Variants in ISY1 observed in about 807,000 individuals in gnomAD.
ISY1 encodes the protein ISY1 spliceosome associated protein.
A neutral mutation model predicts 54.4 loss-of-function variants in ISY1; 12 were observed. The ratio of observed to expected loss-of-function variants is 0.22; its 90% CI spans 0.14 to 0.36. The LOEUF (loss-of-function observed/expected upper bound fraction) is 0.36, where lower values mean the gene tolerates loss of function less well. ISY1 is among the 10% of genes least tolerant of loss of function. ISY1 has a pLI of 1.00. For synonymous variants in ISY1, 96 were observed against 117.9 expected (o/e 0.81, Z 1.20); for missense variants, 282 against 342.2 (o/e 0.82, Z 1.39).
intron 9 of ISY1, among the ~76,000 whole-genome samples, 178 bp downstream of exon 9, chr3:129,133,896 T>C (rs1253167342): frequency 6.6e-6 from 1 of 152,212 alleles, no homozygotes; most frequent in Non-Finnish European, 1.5e-5. Context: ...GGCACTCTCA[T>C]GGCTGCTGCC....
At chr3:129,152,470 C>A (rs989562161) in intron 5 of ISY1, among the ~76,000 whole-genome samples, 1 of 151,746 alleles carries the variant, frequency 6.6e-6, no homozygotes. Flanking sequence ...GTGGTGCAAT[C>A]TCGGCTCACT....
intron 1 of ISY1, 51 bp from the exon 2 acceptor site, chr3:129,159,227 TTTCTTGCCCTTTACTTTTTAGTGAA>T: frequency 6.3e-7 from 1 of 1,581,758 alleles, no homozygotes; most frequent in Non-Finnish European, 8.5e-7. Flanking sequence ...AATATATTTT[TTTCTTGCCCTTTACTTTTTAGTGAA>T]AAGTTTTACA....
intron 3 of ISY1, among the ~76,000 whole-genome samples, chr3:129,157,270 G>A (rs532550820): frequency 4.0e-5 from 6 of 151,744 alleles, no homozygotes; most frequent in Admixed American, 2.6e-4. Flanking sequence ...ATACATGTGC[G>A]TATATAAAAT....
chr3:129,157,316 C>G (rs1576894353), intron 3 of ISY1, among the ~76,000 whole-genome samples: 1 of 152,028 alleles, frequency 6.6e-6, no homozygotes, highest in Admixed American at 6.6e-5. Context: ...TATATTATCT[C>G]TAATTTGGGT....
chr3:129,155,201 TTTTGTTTGTTTG>T (rs200072498), intron 5 of ISY1, among the ~76,000 whole-genome samples: 1 of 151,500 alleles, frequency 6.6e-6, no homozygotes, highest in African/African-American at 2.4e-5. Flanking sequence ...TATATGTATT[TTTTGTTTGTTTG>T]TTTGTTTGTT....
intron 5 of ISY1, among the ~76,000 whole-genome samples, chr3:129,151,051 G>C (rs1283789019): frequency 6.6e-6 from 1 of 151,296 alleles, no homozygotes; most frequent in Non-Finnish European, 1.5e-5. Flanking sequence ...GAACCTGGGA[G>C]GCAGAGGTTG....
chr3:129,139,624 AC>A (rs1379267260), intron 7 of ISY1, among the ~76,000 whole-genome samples: 3 of 15,080 alleles, frequency 2.0e-4, no homozygotes, highest in African/African-American at 3.5e-4. Flanking sequence ...TTGGATTCAC[AC>A]AAAAGTAGCT....
chr3:129,139,856 G>T (rs1271920542), intron 7 of ISY1, among the ~76,000 whole-genome samples: 1 of 152,014 alleles, frequency 6.6e-6, no homozygotes. Context: ...TGGTCAAGCT[G>T]GTCTCTAACT....
rs185149981 is a variant in ISY1 at position 129,128,827 on chromosome 3, A to G, written c.*1254T>C. 6 of 152,630 alleles carry G rather than the reference A, an allele frequency of 3.9e-5. No individual in the cohort carries two copies. The East Asian group carries it at 9.6e-4, about 25-fold the overall frequency. 9.5% of individuals were successfully genotyped at this position (152,630 alleles called of 1,614,324 possible). A position where few individuals can be genotyped will look rare whatever the true frequency, so the allele number is the denominator to read the frequency against. ...TCCCATGACCCTGCAGAGGGCAGGA[A>G]GCCAGGCACCATCTTGCCCAGGGGC... On this transcript the variant is annotated 3_prime_UTR_variant, in exon 11 of 11. Transcript: ENST00000393295.
At chr3:129,135,300 C>A (rs921505011) in intron 7 of ISY1, among the ~76,000 whole-genome samples, 1 of 151,948 alleles carries the variant, frequency 6.6e-6, no homozygotes, top group Non-Finnish European at 1.5e-5. Flanking sequence ...GCCGAGATCA[C>A]GCCACTGCAC....
chr3:129,140,480 A>C lies in ISY1; in HGVS notation c.306T>G (p.Val102=). 6.2e-7 allele frequency: 1 copy of C among 1,603,200 alleles called. No individual in the cohort carries two copies. The highest frequency in any genetic ancestry group is 8.5e-7 in the Non-Finnish European group (1 of 1,177,482). The change falls in exon 7 of 11, where the codon GTT becomes GTG. Residue 102 remains valine (V), a synonymous_variant. Coordinates refer to ENST00000393295, the MANE Select transcript of ISY1 (RefSeq NM_020701.4). The part of the protein sequence containing the change: ...KELGGPDYGK[V]GPKMLDHEGK... ...CTTCATGATCCAGCATTTTAGGGCC[A>C]ACTTTCTTATTGGGAAGAAAAAAAG...
intron 5 of ISY1, among the ~76,000 whole-genome samples, chr3:129,150,466 C>T (rs868619122): frequency 5.3e-5 from 8 of 152,298 alleles, no homozygotes; most frequent in Middle Eastern, 3.4e-3. Context: ...AATCCCAGCA[C>T]TTTGGGAGGC....
At chr3:129,160,907 G>C (rs1425664626) in intron 1 of ISY1, 66 bp downstream of exon 1, 5 of 1,104,466 alleles carry the variant, frequency 4.5e-6, no homozygotes, top group Non-Finnish European at 6.7e-6. Flanking sequence ...AGCGCCCCAG[G>C]TGGACTGGGC....
Position 129,134,091 on chromosome 3 carries a change from C to G in ISY1, c.646G>C (p.Ala216Pro). The change falls in exon 9 of 11, where the codon GCA becomes CCA. Residue 216 changes from alanine (A) to proline (P), a missense_variant. Ala to Pro is a conservative substitution (Grantham distance 27). Around this residue, in one of 2 missense-constraint regions of ISY1, gnomAD observed 279 missense variants for 323.6 expected, o/e 0.86. Transcript: ENST00000393295. ...EEEEEEINIY[A>P]VTEEESDEEG... is the part of the protein sequence containing the mutation. ...CCCAATACCTCCTCCTCGGTGACTG[C>G]ATAGATGTTGATCTCTTCCTCCTCT... 1 of 1,614,198 alleles carries G rather than the reference C, an allele frequency of 6.2e-7. No homozygotes were observed.
chr3:129,130,271 G>C, intron 10 of ISY1, 83 bp from the exon 11 acceptor site: 1 of 1,491,652 alleles, frequency 6.7e-7, no homozygotes. Context: ...AAGTCCCCGT[G>C]GGAGAAGTCC....
In ISY1 at chr3:129,134,084, G is replaced by A; in HGVS notation, c.653C>T (p.Thr218Ile). The change falls in exon 9 of 11, where the codon ACC becomes ATC. Residue 218 changes from threonine to isoleucine, a missense_variant. Coordinates refer to ENST00000393295, the MANE Select transcript of ISY1 (RefSeq NM_020701.4). The stretch of plus-strand genomic sequence containing the variant: ...GGCCAACCCCAATACCTCCTCCTCG[G>A]TGACTGCATAGATGTTGATCTCTTC... ...EEEEINIYAV[T>I]EEESDEEGSQ... is the part of the protein sequence containing the mutation. The A allele has an allele frequency of 2.5e-6, 4 of 1,614,140 alleles. No individual in the cohort carries two copies. The highest frequency in any genetic ancestry group is 3.4e-6 in the Non-Finnish European group (4 of 1,180,032).
intron 5 of ISY1, among the ~76,000 whole-genome samples, chr3:129,150,100 G>A (rs1467403966): frequency 2.0e-5 from 3 of 151,986 alleles, no homozygotes; most frequent in African/African-American, 4.8e-5. Context: ...TCTGGAAGCT[G>A]GAGCTTTCTA....
rs1374717786 is a variant in ISY1 at position 129,127,480 on chromosome 3, C to G, written c.*2601G>C. ...CCTCCTGAGATTGGTTCTGTCACCT[C>G]GGAGCCACAAGCTGGGAAAAGATAA... On this transcript the variant is annotated 3_prime_UTR_variant, in exon 11 of 11. Coordinates refer to ENST00000393295, the MANE Select transcript of ISY1 (RefSeq NM_020701.4). 6.6e-6 allele frequency: 1 copy of G among 152,220 alleles called. No individual in the cohort carries two copies. Among genetic ancestry groups the G allele is most frequent in the Non-Finnish European group, 1.5e-5 (1 of 68,044 alleles). 9.4% of individuals were successfully genotyped at this position (152,220 alleles called of 1,614,324 possible).
chr3:129,144,370 C>A (rs1191371509), intron 6 of ISY1, among the ~76,000 whole-genome samples: 2 of 152,180 alleles, frequency 1.3e-5, no homozygotes, highest in Non-Finnish European at 2.9e-5. Context: ...AGTGGGAAGG[C>A]TGAATACTCC....
Sources: gnomAD v4.1 joint callset for allele counts (sites outside exome capture counted in the v4.1 genomes callset) on GRCh38, gnomAD v4.1.1 for gene constraint, gnomAD v4.1.1 regional missense constraint, MANE v1.5 for transcripts, NCBI Gene and HGNC (gene_info 2026-07-23, HGNC 2026-07-21) for gene names.